The following BMPER variants were observed in gnomAD, a reference collection of about 807,000 sequenced individuals.
The protein encoded by BMPER is BMP binding endothelial regulator, also known as BMP-binding endothelial regulator protein.
In BMPER, 45 loss-of-function variants were observed where a neutral mutation model predicts 87.3. That is an observed-to-expected ratio of 0.52 (90% confidence interval 0.41 to 0.66). BMPER has a LOEUF of 0.66. Among genes scored for constraint, BMPER ranks in the 30% least tolerant of loss-of-function variants. The pLI is 0.00. For synonymous variants in BMPER, 326 were observed against 316.2 expected (o/e 1.03, Z -0.33); for missense variants, 784 against 867.5 (o/e 0.90, Z 1.21).
chr7:34,002,543 G>A (rs1247329669), intron 6 of BMPER, among the ~76,000 whole-genome samples: 4 of 151,724 alleles, frequency 2.6e-5, no homozygotes, highest in Non-Finnish European at 4.4e-5. Context: ...AGGCCTACTT[G>A]ATTAACAGTG....
intron 9 of BMPER, 99 bp downstream of exon 9, chr7:34,055,402 T>C: frequency 6.9e-7 from 1 of 1,441,560 alleles, no homozygotes; most frequent in Non-Finnish European, 9.7e-7. Context: ...ATAATTTCTA[T>C]ATACATATAC....
At chr7:33,973,454 G>A (rs1785600491) in intron 5 of BMPER, among the ~76,000 whole-genome samples, 3 of 152,164 alleles carry the variant, frequency 2.0e-5, no homozygotes, top group South Asian at 2.1e-4. Flanking sequence ...TTTAAACCAC[G>A]GTTTCACTTG....
At chr7:34,119,000 T>A (rs1218399373) in intron 13 of BMPER, among the ~76,000 whole-genome samples, 1 of 62,370 alleles carries the variant, frequency 1.6e-5, no homozygotes, top group Non-Finnish European at 3.3e-5. Flanking sequence ...TCTCACTGTC[T>A]CTCTCTCTCT....
intron 3 of BMPER, among the ~76,000 whole-genome samples, chr7:33,940,859 TATATA>T (rs1784734873): frequency 7.1e-6 from 1 of 141,606 alleles, no homozygotes; most frequent in South Asian, 2.1e-4. Flanking sequence ...ATAGAATTTA[TATATA>T]TTATATTATA....
intron 7 of BMPER, among the ~76,000 whole-genome samples, chr7:34,047,841 T>TCCTTCCTTCCTCCCTTCC (rs1359199300): frequency 6.8e-6 from 1 of 146,150 alleles, no homozygotes; most frequent in Admixed American, 6.8e-5. Context: ...CTTGCTTTCT[T>TCCTTCCTTCCTCCCTTCC]TCTCTTTCTA....
At chr7:34,152,962 A>G (rs1008280370) in intron 14 of BMPER, 130 bp from the exon 15 acceptor site, 1 of 1,068,164 alleles carries the variant, frequency 9.4e-7, no homozygotes, top group Non-Finnish European at 1.4e-6. Context: ...CTCTTGTTAA[A>G]ATGCAAATGT....
At chr7:34,121,685 A>C (rs1790266592) in intron 13 of BMPER, among the ~76,000 whole-genome samples, 1 of 152,256 alleles carries the variant, frequency 6.6e-6, no homozygotes, top group African/African-American at 2.4e-5. Context: ...ACCATTAATT[A>C]CTAGCCTCTG....
chr7:33,965,889 A>T (rs1419603935), intron 3 of BMPER, among the ~76,000 whole-genome samples: 2 of 152,134 alleles, frequency 1.3e-5, no homozygotes, highest in Non-Finnish European at 2.9e-5. Context: ...GTAGTTTCAG[A>T]TTCGCTTAGT....
At chr7:33,941,926 A>G (rs1585660646) in intron 3 of BMPER, among the ~76,000 whole-genome samples, 1 of 152,266 alleles carries the variant, frequency 6.6e-6, no homozygotes, top group East Asian at 1.9e-4. Context: ...ATTCAGAGGT[A>G]ATACCTTTTG....
At chr7:34,099,521 G>A (rs551962381) in intron 13 of BMPER, among the ~76,000 whole-genome samples, 22 of 152,138 alleles carry the variant, frequency 1.4e-4, no homozygotes, top group African/African-American at 5.1e-4. Flanking sequence ...ATATGCTGTG[G>A]TTTATGTTGA....
chr7:34,152,039 A>G (rs1251682391), intron 14 of BMPER, among the ~76,000 whole-genome samples: 1 of 152,232 alleles, frequency 6.6e-6, no homozygotes, highest in Non-Finnish European at 1.5e-5. Context: ...CTCTAAATGC[A>G]TAACTTGAAA....
intron 13 of BMPER, 81 bp from the exon 14 acceptor site, chr7:34,143,149 A>G (rs1359025528): frequency 6.3e-7 from 1 of 1,593,438 alleles, no homozygotes; most frequent in Non-Finnish European, 8.6e-7. Flanking sequence ...TTTCCCATCT[A>G]CGACCCTTTC....
At chr7:33,951,586 C>T (rs779277210) in intron 3 of BMPER, among the ~76,000 whole-genome samples, 5 of 152,032 alleles carry the variant, frequency 3.3e-5, no homozygotes, top group Admixed American at 6.6e-5. Flanking sequence ...TTTGATTTTC[C>T]GGAACTCCTG....
At chr7:33,918,126 C>T (rs1784131082) in intron 2 of BMPER, among the ~76,000 whole-genome samples, 1 of 152,162 alleles carries the variant, frequency 6.6e-6, no homozygotes, top group Admixed American at 6.5e-5. Flanking sequence ...CATGAGTGAG[C>T]CACCACACCT....
intron 3 of BMPER, among the ~76,000 whole-genome samples, chr7:33,958,370 C>T (rs1462616517): frequency 2.0e-5 from 3 of 152,138 alleles, no homozygotes; most frequent in Non-Finnish European, 4.4e-5. Context: ...TTTGTTGCTT[C>T]CTAATGTTGA....
At chr7:34,097,864 G>A (rs1313621138) in intron 13 of BMPER, among the ~76,000 whole-genome samples, 1 of 152,130 alleles carries the variant, frequency 6.6e-6, no homozygotes, top group East Asian at 1.9e-4. Flanking sequence ...CTAAACATTA[G>A]AGACAAGAAT....
intron 14 of BMPER, among the ~76,000 whole-genome samples, chr7:34,149,474 G>T (rs1018249969): frequency 6.6e-6 from 1 of 152,140 alleles, no homozygotes; most frequent in Admixed American, 6.5e-5. Context: ...ACTGGGAAAA[G>T]AATCAGAACT....
intron 13 of BMPER, among the ~76,000 whole-genome samples, chr7:34,124,994 C>T (rs918020382): frequency 1.3e-5 from 2 of 150,940 alleles, no homozygotes; most frequent in Non-Finnish European, 3.0e-5. Flanking sequence ...ACCTTGCATT[C>T]CTAAAAAAAA....
At position 34,153,752 on chromosome 7, in the gene BMPER, A is replaced by G; in HGVS notation, c.*479A>G. Reference sequence around the variant, plus strand: ...CTAGGGGCATTTCAGGTTTCCAAAGAAAGGAATGTATGCCTGGGAAAGACA... The same window carrying G: ...CTAGGGGCATTTCAGGTTTCCAAAGGAAGGAATGTATGCCTGGGAAAGACA... On this transcript the variant is annotated 3_prime_UTR_variant, in exon 15 of 15. Transcript: ENST00000649409. 1 of 181,036 alleles carries G rather than the reference A, an allele frequency of 5.5e-6. No homozygotes were observed. Among genetic ancestry groups the G allele is most frequent in the South Asian group, 1.1e-4 (1 of 9,100 alleles). The allele number at this position is 181,036 out of a possible 1,614,324, so 11.2% of individuals were successfully genotyped here.
Sources: gnomAD v4.1 joint callset for allele counts (sites outside exome capture counted in the v4.1 genomes callset) on GRCh38, gnomAD v4.1.1 for gene constraint, MANE v1.5 for transcripts, NCBI Gene and HGNC (gene_info 2026-07-23, HGNC 2026-07-21) for gene names.